The following GPSM2 variants were observed in gnomAD, a reference collection of about 807,000 sequenced individuals.
GPSM2 encodes G protein signaling modulator 2, also known as G protein-signaling modulator 2.
In GPSM2, 58 loss-of-function variants were observed where a neutral mutation model predicts 78.4. The ratio of observed to expected loss-of-function variants is 0.74; its 90% confidence interval spans 0.60 to 0.92. GPSM2 has a LOEUF of 0.92. GPSM2 is among the 40% of genes least tolerant of loss of function. The pLI is 0.00. For synonymous variants in GPSM2, 224 were observed against 280.2 expected, an observed-to-expected ratio of 0.80 and a Z score of 2.00; for missense variants, 700 against 815.5, an observed-to-expected ratio of 0.86 and a Z score of 1.73.
chr1:108,919,972 C>T (rs1161474171), intron 12 of GPSM2, among the ~76,000 whole-genome samples: 1 of 151,808 alleles, frequency 6.6e-6, no homozygotes, highest in Non-Finnish European at 1.5e-5. Flanking sequence ...TTGAAATCAG[C>T]CTAGCCAATG....
At chr1:108,879,225 G>A (rs577804564) in intron 1 of GPSM2, among the ~76,000 whole-genome samples, 34 of 152,224 alleles carry the variant, frequency 2.2e-4, no homozygotes, top group Middle Eastern at 3.4e-3. Context: ...AATCTTTACT[G>A]TGGAGAAGAA....
At chr1:108,915,465 T>C (rs889028402) in intron 11 of GPSM2, among the ~76,000 whole-genome samples, 15 of 151,192 alleles carry the variant, frequency 9.9e-5, no homozygotes, top group Admixed American at 3.3e-4. Context: ...TCTCGCTCTT[T>C]GGCCAGGCTG....
chr1:108,897,798 TAGTA>T (rs917587942), intron 4 of GPSM2, among the ~76,000 whole-genome samples, 157 bp from the exon 5 acceptor site: 2 of 152,008 alleles, frequency 1.3e-5, no homozygotes, highest in African/African-American at 2.4e-5. Flanking sequence ...AAGAAGGAAA[TAGTA>T]AGAGGTCTTT....
At chr1:108,896,439 G>A (rs1229862976) in intron 2 of GPSM2, among the ~76,000 whole-genome samples, 1 of 152,098 alleles carries the variant, frequency 6.6e-6, no homozygotes, top group African/African-American at 2.4e-5. Flanking sequence ...CAGGTGACTA[G>A]ATTACTTGGA....
At position 108,932,324 on chromosome 1, in the gene GPSM2, C is replaced by CAT. The variant is rs1652136133; in HGVS notation, c.*2387_*2388dup. Reference sequence around the variant, plus strand: ...ACAATATAAACCTTAATTTTAATGACATATTGGCTAGTCAATAAACAAGTC... The same window carrying CAT: ...ACAATATAAACCTTAATTTTAATGACATATATTGGCTAGTCAATAAACAAGTC... On this transcript the variant is annotated 3_prime_UTR_variant, in exon 15 of 15. Coordinates refer to ENST00000264126, the MANE Select transcript of GPSM2 (RefSeq NM_013296.5). The CAT allele has an allele frequency of 6.6e-6, 1 of 152,122 alleles. No individual in the cohort carries two copies. Among genetic ancestry groups the CAT allele is most frequent in the African/African-American group, 2.4e-5 (1 of 41,434 alleles). The allele number at this position is 152,122 out of a possible 1,614,324, so 9.4% of individuals were successfully genotyped here.
At chr1:108,879,530 C>G (rs1665791203) in intron 1 of GPSM2, among the ~76,000 whole-genome samples, 1 of 152,184 alleles carries the variant, frequency 6.6e-6, no homozygotes, top group African/African-American at 2.4e-5. Flanking sequence ...GCAAGGTTCC[C>G]CATTGTGTAA....
At position 108,919,789 on chromosome 1, in the gene GPSM2, A is replaced by G. The variant is rs556651901; in HGVS notation, c.1440+1000A>G. On this transcript the variant is annotated intron_variant, in intron 12 of 14. Coordinates refer to ENST00000264126, the MANE Select transcript of GPSM2 (RefSeq NM_013296.5). ...TACCGTGGGTTTACTGATAATCAGT[A>G]TCAGGGAAATCTCGAATCCAGCTAC... Among the ~76,000 whole-genome samples the G allele has an allele frequency of 1.1e-4, 16 of 152,332 alleles. No individual in the cohort carries two copies. In the East Asian group the frequency reaches 2.3e-3, roughly 22 times the overall value.
rs1030804913 is a variant in GPSM2, at chr1:108,877,072, C to T, written c.-405C>T. ...CCGGGAAAGCGAGGGGCGCTACGAGCTCTGGCCCACGTGACCTGCCGGGGG... is the reference window on the plus strand; with the variant it reads ...CCGGGAAAGCGAGGGGCGCTACGAGTTCTGGCCCACGTGACCTGCCGGGGG... On this transcript the variant is annotated 5_prime_UTR_variant, in exon 1 of 15. Coordinates refer to ENST00000264126, the MANE Select transcript of GPSM2 (RefSeq NM_013296.5). The T allele has an allele frequency of 6.6e-6, 1 of 152,284 alleles. No homozygotes were observed. The highest frequency in any genetic ancestry group is 2.4e-5 in the African/African-American group (1 of 41,444). 9.4% of individuals were successfully genotyped at this position (152,284 alleles called of 1,614,324 possible). A position where few individuals can be genotyped will look rare whatever the true frequency, so the allele number is the denominator to read the frequency against.
rs17030744 is a variant in GPSM2 at position 108,903,107 on chromosome 1, G to T, written c.954-19G>T. 843 of 1,442,976 alleles carry T rather than the reference G, an allele frequency of 5.8e-4. 10 individuals carry two copies. In the African/African-American group the frequency reaches 0.011, roughly 19 times the overall value. 89.4% of individuals were successfully genotyped at this position (1,442,976 alleles called of 1,614,324 possible). A position where few individuals can be genotyped will look rare whatever the true frequency, so the allele number is the denominator to read the frequency against. On this transcript the variant is annotated intron_variant, in intron 8 of 14. Transcript: ENST00000264126. The stretch of plus-strand genomic sequence containing the variant: ...CCTCTTTTCAAATAACTGCATGTTC[G>T]CTTTGAATAACGTTTTAGAATTGGT...
chr1:108,904,009 A>G, intron 9 of GPSM2, 116 bp from the exon 10 acceptor site: 1 of 744,184 alleles, frequency 1.3e-6, no homozygotes, highest in South Asian at 1.6e-5. Flanking sequence ...ATTCTAATAT[A>G]ACTATTTTCA....
At chr1:108,915,227 TG>T (rs948921007) in intron 11 of GPSM2, among the ~76,000 whole-genome samples, 1 of 150,916 alleles carries the variant, frequency 6.6e-6, no homozygotes, top group African/African-American at 2.4e-5. Flanking sequence ...AAAAATTAGC[TG>T]GGTGTGGTGG....
At position 108,897,207 on chromosome 1, in the gene GPSM2, C is replaced by T. The variant is rs1167760943; in HGVS notation, c.278+122C>T. The T allele has an allele frequency of 2.2e-5, 18 of 800,038 alleles. 1 individual carries two copies. The highest frequency in any genetic ancestry group is 2.1e-4 in the South Asian group (13 of 62,936). 49.6% of individuals were successfully genotyped at this position (800,038 alleles called of 1,614,324 possible). A position where few individuals can be genotyped will look rare whatever the true frequency, so the allele number is the denominator to read the frequency against. On this transcript the variant is annotated intron_variant, in intron 3 of 14. Transcript: ENST00000264126. ...TTAATGAGTTCTACTTCAGTAACAT[C>T]GCTTTTCAAAACTAACCTTTAGGCT... is the stretch of plus-strand genomic sequence containing the variant.
In GPSM2 at chr1:108,914,365, A is replaced by G. The variant is rs1314092420; in HGVS notation, c.1220A>G (p.His407Arg). The change falls in exon 11 of 15, where the codon CAT becomes CGT. Residue 407 changes from histidine (H) to arginine (R), a missense_variant. Physicochemically the swap from His to Arg is conservative, Grantham distance 29 (BLOSUM62 0). Coordinates refer to ENST00000264126, the MANE Select transcript of GPSM2 (RefSeq NM_013296.5). Reference protein sequence around the residue: ...NGVRPKLGRRHSMENMELMKL... With the variant: ...NGVRPKLGRRRSMENMELMKL... The stretch of plus-strand genomic sequence containing the variant: ...GTACGCCCCAAGTTGGGACGCCGGC[A>G]TAGTATGGAAAATATGGAACTTATG... The G allele has an allele frequency of 6.2e-7, 1 of 1,612,878 alleles. No homozygotes were observed. Among genetic ancestry groups the G allele is most frequent in the Non-Finnish European group, 8.5e-7 (1 of 1,179,110 alleles).
At chr1:108,886,213 G>A (rs1033006700) in intron 2 of GPSM2, among the ~76,000 whole-genome samples, 3 of 151,886 alleles carry the variant, frequency 2.0e-5, no homozygotes. Flanking sequence ...TATCTTTAAA[G>A]GAAATTTTAT....
chr1:108,927,987 C>CGA (rs1651263226), intron 14 of GPSM2, among the ~76,000 whole-genome samples: 1 of 152,082 alleles, frequency 6.6e-6, no homozygotes, highest in Admixed American at 6.6e-5. Flanking sequence ...AGGAAAGCCT[C>CGA]ATGGCATTGG....
intron 10 of GPSM2, among the ~76,000 whole-genome samples, chr1:108,904,998 A>AACTAC (rs1649111565): frequency 6.6e-6 from 1 of 152,198 alleles, no homozygotes; most frequent in African/African-American, 2.4e-5. Flanking sequence ...CTACTGACAA[A>AACTAC]TATTTTGAAT....
intron 8 of GPSM2, among the ~76,000 whole-genome samples, chr1:108,902,757 G>A (rs541236953): frequency 5.9e-5 from 9 of 152,302 alleles, no homozygotes; most frequent in Admixed American, 1.3e-4. Flanking sequence ...AAGAGGTAGT[G>A]CGTTCTCTCT....
At chr1:108,929,668 G>C (rs757821868) in intron 14 of GPSM2, 33 bp from the exon 15 acceptor site, 3 of 1,605,876 alleles carry the variant, frequency 1.9e-6, no homozygotes, top group Non-Finnish European at 2.6e-6. Flanking sequence ...CTTTCCCACA[G>C]TATGTCTTTT....
At chr1:108,896,799 A>G in intron 2 of GPSM2, 65 bp from the exon 3 acceptor site, 1 of 1,194,740 alleles carries the variant, frequency 8.4e-7, no homozygotes, top group East Asian at 2.3e-5. Flanking sequence ...TATTACGGGA[A>G]GTTAAAAATA....
Sources: allele counts gnomAD v4.1 joint callset (sites outside exome capture counted in the v4.1 genomes callset), GRCh38; gene constraint gnomAD v4.1.1; transcripts MANE v1.5; gene names NCBI Gene and HGNC (gene_info 2026-07-23, HGNC 2026-07-21).